UBE3D: variants seen among roughly 807,000 people sequenced by gnomAD.
The protein encoded by UBE3D is E3 ubiquitin-protein ligase E3D.
UBE3D carries 48 observed loss-of-function variants against 49.6 expected under a neutral mutation model. The ratio of observed to expected loss-of-function variants is 0.97; its 90% CI spans 0.77 to 1.23. The LOEUF (loss-of-function observed/expected upper bound fraction) is 1.23, where lower values mean the gene tolerates loss of function less well. Among genes scored for constraint, UBE3D ranks in the 50% most tolerant of loss-of-function variants. The pLI is 0.00. For synonymous variants in UBE3D, 189 were observed against 174.2 expected, an observed-to-expected ratio of 1.08 and a Z score of -0.67; for missense variants, 452 against 468.4, an observed-to-expected ratio of 0.96 and a Z score of 0.32.
At chr6:83,006,969 GA>G (rs201204210) in intron 8 of UBE3D, among the ~76,000 whole-genome samples, 1,799 of 151,552 alleles carry the variant, frequency 0.012, 29 homozygotes, top group African/African-American at 0.035. Context: ...CTGAAATAAA[GA>G]AAAAAAGATA....
At chr6:83,013,394 C>T (rs1334809485) in intron 8 of UBE3D, among the ~76,000 whole-genome samples, 1 of 152,166 alleles carries the variant, frequency 6.6e-6, no homozygotes, top group Non-Finnish European at 1.5e-5. Context: ...CCAAAGGCTC[C>T]AACAGCATCC....
chr6:82,985,387 G>C (rs1485003392), intron 8 of UBE3D, among the ~76,000 whole-genome samples: 2 of 151,678 alleles, frequency 1.3e-5, no homozygotes, highest in Non-Finnish European at 2.9e-5. Context: ...TTTTGAGATG[G>C]AATCTCTTTC....
At chr6:82,994,497 T>G (rs749463471) in intron 8 of UBE3D, among the ~76,000 whole-genome samples, 1 of 152,124 alleles carries the variant, frequency 6.6e-6, no homozygotes, top group Non-Finnish European at 1.5e-5. Context: ...CCTTTAATAC[T>G]AATCCAAGGA....
intron 9 of UBE3D, among the ~76,000 whole-genome samples, chr6:82,946,645 C>T (rs1280307669): frequency 6.6e-6 from 1 of 152,068 alleles, no homozygotes; most frequent in Non-Finnish European, 1.5e-5. Flanking sequence ...ATGTAAACTA[C>T]TCTTAAGTAG....
rs1783656840 is a variant in UBE3D, at chr6:83,054,128, G to A, written c.365+20C>T. ...CCATTGCCAGGCACAGAATTAATCA[G>A]TGTTAAATATATTCCTTACCTGTCT... is the stretch of plus-strand genomic sequence containing the variant. On this transcript the variant is annotated intron_variant, in intron 3 of 9. Coordinates refer to ENST00000369747, the MANE Select transcript of UBE3D (RefSeq NM_198920.3). 2 of 1,580,544 alleles carry A rather than the reference G, an allele frequency of 1.3e-6. No homozygotes were observed. Among genetic ancestry groups the A allele is most frequent in the African/African-American group, 1.3e-5 (1 of 74,172 alleles).
At chr6:82,929,504 T>C (rs1397742517) in intron 9 of UBE3D, among the ~76,000 whole-genome samples, 1 of 152,182 alleles carries the variant, frequency 6.6e-6, no homozygotes, top group Non-Finnish European at 1.5e-5. Context: ...TTCCTCTTTC[T>C]AAAGATGCCC....
At chr6:82,953,919 G>T (rs1219510789) in intron 9 of UBE3D, among the ~76,000 whole-genome samples, 2 of 152,214 alleles carry the variant, frequency 1.3e-5, no homozygotes, top group Admixed American at 6.5e-5. Context: ...ACGACAAGAA[G>T]CAGGTGGCCA....
chr6:83,021,638 G>C (rs1031416134), intron 7 of UBE3D, among the ~76,000 whole-genome samples: 9 of 151,750 alleles, frequency 5.9e-5, no homozygotes, highest in Non-Finnish European at 1.2e-4. Flanking sequence ...AGGCCGAGGT[G>C]GGTGGATCAC....
intron 9 of UBE3D, among the ~76,000 whole-genome samples, chr6:82,939,608 C>T (rs1364649246): frequency 2.6e-5 from 4 of 152,192 alleles, no homozygotes; most frequent in Non-Finnish European, 4.4e-5. Context: ...AGTACAGTGC[C>T]ATATAGGCTT....
chr6:82,920,799 C>T (rs762959640), intron 9 of UBE3D, among the ~76,000 whole-genome samples: 6 of 151,674 alleles, frequency 4.0e-5, no homozygotes, highest in Non-Finnish European at 4.4e-5. Context: ...GAAGTTACCA[C>T]GTAAGATTTA....
chr6:82,905,269 T>A (rs1297980846), intron 9 of UBE3D, among the ~76,000 whole-genome samples: 1 of 152,198 alleles, frequency 6.6e-6, no homozygotes, highest in Non-Finnish European at 1.5e-5. Flanking sequence ...CAACAACATG[T>A]GCTCACTTCA....
chr6:83,016,979 G>T (rs945449446), intron 8 of UBE3D, among the ~76,000 whole-genome samples: 2 of 152,174 alleles, frequency 1.3e-5, no homozygotes, highest in Non-Finnish European at 2.9e-5. Context: ...TTAAGGGTGG[G>T]TCTGCCTTTC....
At chr6:82,889,763 C>A (rs1443326785), downstream of UBE3D, among the ~76,000 whole-genome samples, 1 of 151,958 alleles carries the variant, frequency 6.6e-6, no homozygotes, top group Non-Finnish European at 1.5e-5. Context: ...TCGATGCGGG[C>A]AAGGACTTTG....
rs574526259 is a variant in UBE3D at position 82,931,133 on chromosome 6, A to G, written c.1149+26179T>C. Among the ~76,000 whole-genome samples the G allele has an allele frequency of 1.7e-4, 26 of 152,344 alleles. No individual in the cohort carries two copies. In the East Asian group the frequency reaches 4.6e-3, roughly 27 times the overall value. On this transcript the variant is annotated intron_variant, in intron 9 of 9. Coordinates refer to ENST00000369747, the MANE Select transcript of UBE3D (RefSeq NM_198920.3). ...GTGGCTTCAGAGGGTGCAAGCCCCA[A>G]GCCTTGGTGGCTTACACATGGTGTT...
At chr6:83,008,652 T>C (rs1371102189) in intron 8 of UBE3D, among the ~76,000 whole-genome samples, 1 of 152,210 alleles carries the variant, frequency 6.6e-6, no homozygotes, top group Non-Finnish European at 1.5e-5. Flanking sequence ...TTTCCTCTTT[T>C]AGACTACCAT....
chr6:82,960,096 T>A (rs1433931414), intron 8 of UBE3D, among the ~76,000 whole-genome samples: 1 of 152,164 alleles, frequency 6.6e-6, no homozygotes, highest in East Asian at 1.9e-4. Flanking sequence ...CACAGCCTCA[T>A]GAGACTCCAA....
At chr6:83,039,092 A>G (rs1782466429) in intron 4 of UBE3D, among the ~76,000 whole-genome samples, 1 of 152,252 alleles carries the variant, frequency 6.6e-6, no homozygotes, top group Non-Finnish European at 1.5e-5. Context: ...CAAATTCGCT[A>G]TTTGAGATAC....
chr6:83,042,058 C>T (rs1283223358), intron 4 of UBE3D, among the ~76,000 whole-genome samples: 6 of 152,008 alleles, frequency 3.9e-5, no homozygotes, highest in Admixed American at 2.6e-4. Flanking sequence ...TACAGGCCCC[C>T]GCCACCACAC....
At chr6:82,925,193 C>T (rs1407299245) in intron 9 of UBE3D, 2 of 152,144 alleles carry the variant, frequency 1.3e-5, no homozygotes, top group Non-Finnish European at 2.9e-5. Flanking sequence ...TAAGCAAAGT[C>T]TACCTTAACA....
Sources: allele counts gnomAD v4.1 joint callset (sites outside exome capture counted in the v4.1 genomes callset), GRCh38; gene constraint gnomAD v4.1.1; transcripts MANE v1.5; gene names NCBI Gene and HGNC (gene_info 2026-07-23, HGNC 2026-07-21).